DNAAF1: variants seen among roughly 807,000 people sequenced by gnomAD.
DNAAF1 encodes dynein assembly factor 1, axonemal.
In DNAAF1, 65 loss-of-function variants were observed where a neutral mutation model predicts 71.1. That is an observed-to-expected ratio of 0.91 (90% CI 0.75 to 1.12). The LOEUF is 1.12. DNAAF1 is among the 50% of genes most tolerant of loss of function. DNAAF1 has a pLI of 0.00. For synonymous variants in DNAAF1, 414 were observed against 354.6 expected (o/e 1.17, Z -1.88); for missense variants, 1,178 against 899.8 (o/e 1.31, Z -3.96).
In DNAAF1 at chr16:84,149,044, T is replaced by C; in HGVS notation, c.162T>C (p.Ser54=). The stretch of plus-strand genomic sequence containing the variant: ...CTAAGGAAATATGTGTGGGTTCTTC[T>C]GACACATCCTACCACAGCCAGCAGA... ...NDPKEICVGS[S]DTSYHSQQKQ... The change falls in exon 2 of 12, where the codon TCT becomes TCC. Residue 54 remains serine, a synonymous_variant. Transcript: ENST00000378553. 1 of 1,614,170 alleles carries C rather than the reference T, an allele frequency of 6.2e-7. No individual in the cohort carries two copies. The highest frequency in any genetic ancestry group is 8.5e-7 in the Non-Finnish European group (1 of 1,180,022).
At chr16:84,149,444 C>A (rs141595220) in intron 2 of DNAAF1, among the ~76,000 whole-genome samples, 1 of 152,050 alleles carries the variant, frequency 6.6e-6, no homozygotes, top group South Asian at 2.1e-4. Flanking sequence ...GTAATCCCAG[C>A]ACTTTGGGAG....
At chr16:84,160,567 G>GATTACATTTTTT (rs1567548687) in intron 6 of DNAAF1, among the ~76,000 whole-genome samples, 1 of 152,162 alleles carries the variant, frequency 6.6e-6, no homozygotes, top group Non-Finnish European at 1.5e-5. Flanking sequence ...AATGTAGCTT[G>GATTACATTTTTT]TAATGTGTTT....
intron 2 of DNAAF1, among the ~76,000 whole-genome samples, chr16:84,149,480 A>C (rs1387624126): frequency 6.6e-6 from 1 of 151,730 alleles, no homozygotes; most frequent in Middle Eastern, 3.2e-3. Context: ...TCACAAGGTC[A>C]GGAGTTCGAG....
rs141074491 is a variant in DNAAF1, at chr16:84,170,127, C to A, written c.1299C>A (p.Asp433Glu). The change falls in exon 8 of 12, where the codon GAC becomes GAA. Residue 433 changes from aspartate (D) to glutamate (E), a missense_variant. By Grantham distance (45) the Asp-to-Glu change is conservative (BLOSUM62 2). Coordinates refer to ENST00000378553, the MANE Select transcript of DNAAF1 (RefSeq NM_178452.6). Reference protein sequence around the residue: ...LSSPVEVKGEDGDGEPEGTLP... With the variant: ...LSSPVEVKGEEGDGEPEGTLP... ...CACCTGTGGAGGTTAAAGGAGAGGA[C>A]GGAGATGGAGAGCCAGAGGGGACCC... 1 of 1,569,812 alleles carries A rather than the reference C, an allele frequency of 6.4e-7. No individual in the cohort carries two copies. The highest frequency in any genetic ancestry group is 1.1e-5 in the South Asian group (1 of 87,562).
intron 10 of DNAAF1, 61 bp downstream of exon 10, chr16:84,174,783 T>C: frequency 6.2e-7 from 1 of 1,605,242 alleles, no homozygotes; most frequent in Non-Finnish European, 8.5e-7. Context: ...GTTCTTGTCG[T>C]TTACCGTTTC....
At chr16:84,154,881 T>C (rs890505550) in intron 4 of DNAAF1, 83 bp downstream of exon 4, 5 of 1,200,280 alleles carry the variant, frequency 4.2e-6, no homozygotes, top group South Asian at 1.2e-5. Flanking sequence ...TTTTATATTA[T>C]GGGCAAGAAG....
intron 3 of DNAAF1, among the ~76,000 whole-genome samples, chr16:84,154,305 G>A (rs1366885547): frequency 6.6e-6 from 1 of 152,140 alleles, no homozygotes; most frequent in Non-Finnish European, 1.5e-5. Flanking sequence ...CTTTCTTGCT[G>A]TATCCTCATG....
chr16:84,176,376 C>G, intron 11 of DNAAF1, 77 bp downstream of exon 11: 5 of 1,601,132 alleles, frequency 3.1e-6, no homozygotes, highest in Non-Finnish European at 4.3e-6. Flanking sequence ...AGGGCAGTCA[C>G]TCAGCCTTAC....
chr16:84,148,596 C>CTCTCTCTTTTTTTTTTTT, intron 1 of DNAAF1, among the ~76,000 whole-genome samples: 17 of 43,574 alleles, frequency 3.9e-4, no homozygotes, highest in Non-Finnish European at 5.8e-4. Flanking sequence ...CTCTCTCTCT[C>CTCTCTCTTTTTTTTTTTT]TTTTTTTTTT....
rs76041309 is a variant in DNAAF1 at position 84,146,309 on chromosome 16, T to C, written c.124+745T>C. ...GTTGTGTCAGGGCAAGACATCTTGA[T>C]TGAATTTGGAGTCTAGTCCAGTGCC... is the stretch of plus-strand genomic sequence containing the variant. On this transcript the variant is annotated intron_variant, in intron 1 of 11. Transcript: ENST00000378553. Among the ~76,000 whole-genome samples, 328 of 152,300 alleles carry C rather than the reference T, an allele frequency of 2.2e-3. 6 individuals carry two copies. In the East Asian group the frequency reaches 0.049, roughly 23 times the overall value.
chr16:84,173,594 G>A (rs1362381975), intron 9 of DNAAF1: 2 of 952,604 alleles, frequency 2.1e-6, no homozygotes, highest in East Asian at 1.2e-4. Flanking sequence ...AGCACTTTGG[G>A]AGGCCAAGGT....
chr16:84,157,774 T>C (rs1183582910), intron 5 of DNAAF1, among the ~76,000 whole-genome samples: 2 of 152,138 alleles, frequency 1.3e-5, no homozygotes, highest in African/African-American at 4.8e-5. Flanking sequence ...CAATCTGTAG[T>C]GTGTACTATC....
chr16:84,162,404 T>C (rs1283889969), intron 6 of DNAAF1, among the ~76,000 whole-genome samples: 3 of 150,588 alleles, frequency 2.0e-5, no homozygotes, highest in Admixed American at 6.6e-5. Context: ...GGAGACTCCC[T>C]CTCAAAAAAA....
At chr16:84,151,158 C>T (rs1329888465) in intron 3 of DNAAF1, among the ~76,000 whole-genome samples, 1 of 152,090 alleles carries the variant, frequency 6.6e-6, no homozygotes, top group Non-Finnish European at 1.5e-5. Flanking sequence ...GATGGGGTGA[C>T]CAGCTTGCTC....
intron 8 of DNAAF1, among the ~76,000 whole-genome samples, chr16:84,170,772 CAG>C (rs2088288656): frequency 6.6e-6 from 1 of 152,106 alleles, no homozygotes; most frequent in Middle Eastern, 3.2e-3. Flanking sequence ...GTTGAGGCTG[CAG>C]TGAGCCAAGA....
chr16:84,167,764 C>G (rs1188269665), intron 7 of DNAAF1, among the ~76,000 whole-genome samples: 4 of 152,148 alleles, frequency 2.6e-5, no homozygotes, highest in Non-Finnish European at 5.9e-5. Flanking sequence ...GCCTGTAATC[C>G]CAGCACTTTG....
rs936797629 is a variant in DNAAF1, at chr16:84,173,069, A to T, written c.1644+694A>T. On this transcript the variant is annotated intron_variant, in intron 9 of 11. Coordinates refer to ENST00000378553, the MANE Select transcript of DNAAF1 (RefSeq NM_178452.6). ...GGCATTTCTGGGTACCTCTGACCTT[A>T]TACCTTGGAGAGGTGGTCCCCTGCC... 46 of 988,192 alleles carry T rather than the reference A, an allele frequency of 4.7e-5. No homozygotes were observed. In the Admixed American group the frequency reaches 2.7e-3, roughly 58 times the overall value. The allele number at this position is 988,192 out of a possible 1,614,324, so 61.2% of individuals were successfully genotyped here.
chr16:84,145,702 C>T (rs908082939), intron 1 of DNAAF1, 138 bp downstream of exon 1: 50 of 1,162,562 alleles, frequency 4.3e-5, no homozygotes, highest in Non-Finnish European at 5.5e-5. Flanking sequence ...CAACGCTCTG[C>T]AGTAGGGGCT....
intron 5 of DNAAF1, among the ~76,000 whole-genome samples, chr16:84,158,452 A>G (rs143769266): frequency 7.8e-4 from 119 of 152,156 alleles, no homozygotes; most frequent in Middle Eastern, 6.8e-3. Context: ...GCTCATTTCA[A>G]CTTCATCGTG....
Sources: allele counts gnomAD v4.1 joint callset (sites outside exome capture counted in the v4.1 genomes callset), GRCh38; gene constraint gnomAD v4.1.1; transcripts MANE v1.5; gene names NCBI Gene and HGNC (gene_info 2026-07-23, HGNC 2026-07-21).